CHN2: variants seen among roughly 807,000 people sequenced by gnomAD.
The protein encoded by CHN2 is beta-chimaerin.
In CHN2, 35 loss-of-function variants were observed where a neutral mutation model predicts 56.3. The ratio of observed to expected loss-of-function variants is 0.62; its 90% CI spans 0.47 to 0.82. The LOEUF (loss-of-function observed/expected upper bound fraction) is 0.82. CHN2 is among the 40% of genes least tolerant of loss of function. CHN2 has a pLI of 0.00. For missense variants in CHN2, 491 were observed against 580.5 expected, an observed-to-expected ratio of 0.85 and a Z score of 1.58; for synonymous variants, 210 against 212.8, an observed-to-expected ratio of 0.99 and a Z score of 0.12.
At chr7:29,426,042 C>T (rs1460717149) in intron 6 of CHN2, among the ~76,000 whole-genome samples, 1 of 151,740 alleles carries the variant, frequency 6.6e-6, no homozygotes, top group Non-Finnish European at 1.5e-5. Flanking sequence ...AACCTGGTCT[C>T]TACTAAAAAT....
At chr7:29,384,816 C>G (rs972219244) in intron 3 of CHN2, among the ~76,000 whole-genome samples, 18 of 152,156 alleles carry the variant, frequency 1.2e-4, no homozygotes, top group Admixed American at 1.3e-4. Flanking sequence ...CCACTCCTTC[C>G]TGAGAAATCT....
rs1056559728 is a variant in CHN2 at position 29,398,385 on chromosome 7, C to G, written c.189C>G (p.Ile63Met). The G allele has an allele frequency of 2.5e-6, 4 of 1,612,580 alleles. No individual in the cohort carries two copies. The African/African-American group carries it at 4.0e-5, about 16-fold the overall frequency. The change falls in exon 5 of 13, where the codon ATC becomes ATG. Residue 63 changes from isoleucine (I) to methionine (M), a missense_variant. Coordinates refer to ENST00000222792, the MANE Select transcript of CHN2 (RefSeq NM_004067.4). ...PKYYGREFHG[I>M]ISREQADELL... is the part of the protein sequence containing the mutation. The stretch of plus-strand genomic sequence containing the variant: ...CTTGTACCTTCAGGTTTCATGGGAT[C>G]ATCTCTCGGGAGCAGGCGGATGAGC...
intron 6 of CHN2, among the ~76,000 whole-genome samples, chr7:29,416,506 A>G (rs1803755407): frequency 1.3e-5 from 2 of 152,190 alleles, no homozygotes; most frequent in South Asian, 2.1e-4. Context: ...GTAGTTCTCA[A>G]ATTTTAGCGT....
chr7:29,228,444 G>A lies in CHN2; in HGVS notation c.49+33454G>A, dbSNP rs1191015031. 3.3e-5 allele frequency among the ~76,000 whole-genome samples: 5 copies of A among 152,288 alleles called. 1 individual carries two copies. In the East Asian group the frequency reaches 7.7e-4, roughly 24 times the overall value. On this transcript the variant is annotated intron_variant, in intron 1 of 12. Coordinates refer to ENST00000222792, the MANE Select transcript of CHN2 (RefSeq NM_004067.4). ...ATAGGCTCCAGCATACGCTGTCTAG[G>A]TTTGTGTAAGCACACGCTATGATGT...
intron 6 of CHN2, among the ~76,000 whole-genome samples, chr7:29,469,390 T>C (rs1334939882): frequency 6.6e-6 from 1 of 152,196 alleles, no homozygotes; most frequent in East Asian, 1.9e-4. Context: ...ATACCACAGC[T>C]CTGTTCAGTA....
At chr7:29,385,059 C>T (rs1800813561) in intron 3 of CHN2, among the ~76,000 whole-genome samples, 3 of 152,072 alleles carry the variant, frequency 2.0e-5, no homozygotes, top group Non-Finnish European at 4.4e-5. Context: ...GGAGGAGGTT[C>T]CCTTATTAAT....
chr7:29,308,225 T>G (rs1236982516), intron 1 of CHN2, among the ~76,000 whole-genome samples: 1 of 152,186 alleles, frequency 6.6e-6, no homozygotes, highest in Non-Finnish European at 1.5e-5. Flanking sequence ...CCTCCAGCTG[T>G]CTTTCCATTC....
At position 29,451,437 on chromosome 7, in the gene CHN2, G is replaced by A. The variant is rs368775190; in HGVS notation, c.577-28842G>A. The stretch of plus-strand genomic sequence containing the variant: ...AGTCCATGGCGAAATGGGTACAGAA[G>A]TACAGAGGTCTTCAGAAACTACTTC... On this transcript the variant is annotated intron_variant, in intron 6 of 12. Transcript: ENST00000222792. Among the ~76,000 whole-genome samples, 16 of 152,202 alleles carry A rather than the reference G, an allele frequency of 1.1e-4. No homozygotes were observed. In the East Asian group the frequency reaches 1.9e-3, roughly 18 times the overall value.
chr7:29,304,595 A>G (rs1793992430), intron 1 of CHN2, among the ~76,000 whole-genome samples: 1 of 152,224 alleles, frequency 6.6e-6, no homozygotes. Flanking sequence ...CTGGGTACCC[A>G]ATACATTAAA....
intron 3 of CHN2, among the ~76,000 whole-genome samples, chr7:29,372,918 A>G (rs1046535800): frequency 4.6e-5 from 7 of 152,232 alleles, no homozygotes; most frequent in African/African-American, 1.4e-4. Flanking sequence ...ATTTGGTGTC[A>G]TTTGTCTTTT....
At chr7:29,260,912 A>G (rs533096595) in intron 1 of CHN2, among the ~76,000 whole-genome samples, 160 of 152,312 alleles carry the variant, frequency 1.1e-3, no homozygotes, top group African/African-American at 3.7e-3. Context: ...ATTTAGAAAT[A>G]ATCCCCAATT....
chr7:29,422,177 G>T (rs1410879964), intron 6 of CHN2, among the ~76,000 whole-genome samples: 1 of 152,110 alleles, frequency 6.6e-6, no homozygotes. Context: ...GGTCAAGTGT[G>T]TTAATTTTAA....
chr7:29,454,950 T>TATATATTGTAAAC (rs1562620306), intron 6 of CHN2, among the ~76,000 whole-genome samples: 1 of 151,958 alleles, frequency 6.6e-6, no homozygotes, highest in Non-Finnish European at 1.5e-5. Context: ...AACAACCCCT[T>TATATATTGTAAAC]AAAATATGAT....
chr7:29,382,625 G>A (rs1800603108), intron 3 of CHN2, among the ~76,000 whole-genome samples: 1 of 152,178 alleles, frequency 6.6e-6, no homozygotes, highest in African/African-American at 2.4e-5. Context: ...AGAAACAGGA[G>A]CCCTTCCCTC....
intron 1 of CHN2, among the ~76,000 whole-genome samples, chr7:29,347,946 C>A (rs1797588899): frequency 6.6e-6 from 1 of 152,192 alleles, no homozygotes; most frequent in Non-Finnish European, 1.5e-5. Context: ...TTTATTCTAG[C>A]TATTCACAGA....
chr7:29,228,545 C>T (rs1786411930), intron 1 of CHN2, among the ~76,000 whole-genome samples: 1 of 152,182 alleles, frequency 6.6e-6, no homozygotes, highest in Non-Finnish European at 1.5e-5. Flanking sequence ...TGACTGTATA[C>T]ATATACACAT....
intron 6 of CHN2, among the ~76,000 whole-genome samples, chr7:29,440,245 C>T (rs1373714552): frequency 3.3e-5 from 5 of 152,134 alleles, no homozygotes; most frequent in Admixed American, 1.3e-4. Flanking sequence ...CCTAAGACAA[C>T]CTCACAAACA....
intron 3 of CHN2, among the ~76,000 whole-genome samples, chr7:29,380,273 A>C (rs971891311): frequency 8.0e-5 from 11 of 136,824 alleles, no homozygotes; most frequent in African/African-American, 2.9e-4. Flanking sequence ...AAGTGGAGAA[A>C]TTTGGTTCTT....
At chr7:29,189,095 C>T (rs578117888) in intron 2 of CHN2, among the ~76,000 whole-genome samples, 11 of 151,938 alleles carry the variant, frequency 7.2e-5, no homozygotes, top group African/African-American at 1.9e-4. Flanking sequence ...ACATTACAGG[C>T]GCACACCATC....
Sources: allele counts gnomAD v4.1 joint callset (sites outside exome capture counted in the v4.1 genomes callset), GRCh38; gene constraint gnomAD v4.1.1; transcripts MANE v1.5; gene names NCBI Gene and HGNC (gene_info 2026-07-23, HGNC 2026-07-21).